Variants in SRSF4 observed in about 807,000 individuals in gnomAD.
SRSF4 encodes the protein serine/arginine-rich splicing factor 4.
Under a neutral mutation model 48.8 loss-of-function variants are expected in SRSF4, and 12 were observed. That is an observed-to-expected ratio of 0.25 (90% CI 0.16 to 0.40). The LOEUF is 0.40. Among genes scored for constraint, SRSF4 ranks in the 10% least tolerant of loss-of-function variants. SRSF4 has a pLI of 1.00. For missense variants in SRSF4, 466 were observed against 667.1 expected, an observed-to-expected ratio of 0.70 and a Z score of 3.32; for synonymous variants, 248 against 232.5, an observed-to-expected ratio of 1.07 and a Z score of -0.61.
intron 1 of SRSF4, 29 bp from the exon 2 acceptor site, chr1:29,160,546 G>A: frequency 1.3e-6 from 2 of 1,569,114 alleles, no homozygotes; most frequent in Admixed American, 3.8e-5. Context: ...AATACTGGTT[G>A]GTACCATTTT....
At chr1:29,169,812 C>T (rs1237266634) in intron 1 of SRSF4, 6 of 152,162 alleles carry the variant, frequency 3.9e-5, no homozygotes, top group Non-Finnish European at 7.4e-5. Context: ...AAAAACAGAA[C>T]AATCATTATC....
intron 3 of SRSF4, among the ~76,000 whole-genome samples, chr1:29,157,951 C>CT (rs1672526386): frequency 6.6e-6 from 1 of 152,122 alleles, no homozygotes; most frequent in African/African-American, 2.4e-5. Context: ...AGGTGGATCA[C>CT]TTGTGGTCAG....
chr1:29,175,970 T>C (rs1320730185), intron 1 of SRSF4, among the ~76,000 whole-genome samples: 1 of 151,408 alleles, frequency 6.6e-6, no homozygotes, highest in African/African-American at 2.4e-5. Context: ...AACAAAAAGG[T>C]GGCCGGGCAT....
intron 4 of SRSF4, among the ~76,000 whole-genome samples, chr1:29,152,901 A>G (rs1672434999): frequency 6.8e-6 from 1 of 148,058 alleles, no homozygotes; most frequent in Non-Finnish European, 1.5e-5. Context: ...CCTGGGTGAC[A>G]GAGTGAAAGA....
At chr1:29,172,223 C>T (rs967221405) in intron 1 of SRSF4, 1 of 151,930 alleles carries the variant, frequency 6.6e-6, no homozygotes, top group African/African-American at 2.4e-5. Flanking sequence ...AATTCATAGT[C>T]CTATCTCTAT....
intron 1 of SRSF4, chr1:29,171,451 C>T (rs1672743708): frequency 6.7e-6 from 1 of 149,830 alleles, no homozygotes; most frequent in African/African-American, 2.5e-5. Flanking sequence ...CCGGAGTTGT[C>T]AATAACTCAT....
At chr1:29,181,545 C>T in intron 1 of SRSF4, 101 bp downstream of exon 1, 3 of 1,063,872 alleles carry the variant, frequency 2.8e-6, no homozygotes, top group Admixed American at 3.1e-5. Context: ...AGGCCGGTAG[C>T]CGCTCCGCGC....
intron 1 of SRSF4, among the ~76,000 whole-genome samples, chr1:29,180,378 TAAAAG>T (rs1672936807): frequency 2.0e-5 from 3 of 152,226 alleles, no homozygotes; most frequent in Admixed American, 2.0e-4. Flanking sequence ...CCTTTTACTG[TAAAAG>T]AAATCAGTAC....
chr1:29,167,182 T>A (rs1672680305), intron 1 of SRSF4, among the ~76,000 whole-genome samples: 1 of 152,232 alleles, frequency 6.6e-6, no homozygotes, highest in Non-Finnish European at 1.5e-5. Context: ...CTAAATCATT[T>A]TTTTGTTTAG....
At chr1:29,161,215 C>T (rs1011749825) in intron 1 of SRSF4, among the ~76,000 whole-genome samples, 4 of 152,108 alleles carry the variant, frequency 2.6e-5, no homozygotes, top group Admixed American at 2.6e-4. Context: ...CCAAAAGAAC[C>T]CCCACCATCC....
At position 29,148,568 on chromosome 1, in the gene SRSF4, T is replaced by C; in HGVS notation, c.1327A>G (p.Arg443Gly). ...NAGTNQETRS[R>G]SRSNSKSKPN... The stretch of plus-strand genomic sequence containing the variant: ...TTCGATTTGGAATTGGATCTCGACC[T>C]GGACCGGGTCTCCTGATTGGTGCCA... Residue 443 changes from arginine (R) to glycine (G), a missense_variant, in exon 6 of 6, where the codon AGG becomes GGG. Coordinates refer to ENST00000373795, the MANE Select transcript of SRSF4 (RefSeq NM_005626.5). The C allele has an allele frequency of 6.2e-7, 1 of 1,614,150 alleles. No individual in the cohort carries two copies. The highest frequency in any genetic ancestry group is 8.5e-7 in the Non-Finnish European group (1 of 1,180,016).
chr1:29,150,057 A>C (rs763989068), intron 5 of SRSF4, 46 bp downstream of exon 5: 1 of 1,500,556 alleles, frequency 6.7e-7, no homozygotes, highest in Non-Finnish European at 9.2e-7. Flanking sequence ...GACAGGGTAC[A>C]GGCATTCCCT....
At chr1:29,157,622 G>C (rs903838197) in intron 3 of SRSF4, among the ~76,000 whole-genome samples, 4 of 152,076 alleles carry the variant, frequency 2.6e-5, no homozygotes, top group Non-Finnish European at 5.9e-5. Context: ...GAAGGTTGCT[G>C]GGATTAAATT....
At chr1:29,168,174 C>T (rs1672695112) in intron 1 of SRSF4, among the ~76,000 whole-genome samples, 1 of 149,982 alleles carries the variant, frequency 6.7e-6, no homozygotes, top group Non-Finnish European at 1.5e-5. Flanking sequence ...ACCACCATGC[C>T]CGGCAAATTT....
chr1:29,148,211 A>AT lies in SRSF4; in HGVS notation c.*198dup, dbSNP rs1243691576. The AT allele has an allele frequency of 2.5e-6, 2 of 798,324 alleles. No homozygotes were observed. The highest frequency in any genetic ancestry group is 1.7e-5 in the African/African-American group (1 of 59,084). The allele number at this position is 798,324 out of a possible 1,614,324, so 49.5% of individuals were successfully genotyped here. A position where few individuals can be genotyped will look rare whatever the true frequency, so the allele number is the denominator to read the frequency against. On this transcript the variant is annotated 3_prime_UTR_variant, in exon 6 of 6. Transcript: ENST00000373795. ...GTAAAAGGGGATTTTCAAAGAGAAA[A>AT]TTTTTTTCAGTCGAGCAGGAAGGCC...
At chr1:29,153,415 T>G (rs1169461200) in intron 4 of SRSF4, among the ~76,000 whole-genome samples, 2 of 152,100 alleles carry the variant, frequency 1.3e-5, no homozygotes, top group Non-Finnish European at 2.9e-5. Flanking sequence ...CCCAAAGTGC[T>G]GGGATTACAG....
rs958738203 is a variant in SRSF4 at position 29,160,170 on chromosome 1, T to C, written c.250+205A>G. On this transcript the variant is annotated intron_variant, in intron 2 of 5. Transcript: ENST00000373795. ...ATCATTAAACATATTTATAAAGTAT[T>C]ATAAACAAGAAATTGTCATTAGTTT... The C allele has an allele frequency of 9.3e-5, 53 of 566,876 alleles. No individual in the cohort carries two copies. The Admixed American group carries it at 2.0e-3, about 22-fold the overall frequency. 35.1% of individuals were successfully genotyped at this position (566,876 alleles called of 1,614,324 possible). A position where few individuals can be genotyped will look rare whatever the true frequency, so the allele number is the denominator to read the frequency against.
intron 3 of SRSF4, among the ~76,000 whole-genome samples, chr1:29,155,630 T>C (rs1182849896): frequency 6.6e-6 from 1 of 152,046 alleles, no homozygotes; most frequent in Non-Finnish European, 1.5e-5. Flanking sequence ...CAGCTGGAAC[T>C]GCAGGTCCGC....
intron 1 of SRSF4, among the ~76,000 whole-genome samples, chr1:29,161,880 A>G (rs577964524): frequency 1.3e-5 from 2 of 152,390 alleles, no homozygotes; most frequent in South Asian, 4.1e-4. Context: ...GGCGTGAGCC[A>G]CTGCGCCCGG....
Sources: allele counts gnomAD v4.1 joint callset (sites outside exome capture counted in the v4.1 genomes callset), GRCh38; gene constraint gnomAD v4.1.1; transcripts MANE v1.5; gene names NCBI Gene and HGNC (gene_info 2026-07-23, HGNC 2026-07-21).